The following ARHGEF10L variants were observed in gnomAD, a reference collection of about 807,000 sequenced individuals.
ARHGEF10L encodes Rho guanine nucleotide exchange factor 10 like, also known as rho guanine nucleotide exchange factor 10-like protein.
ARHGEF10L carries 69 observed loss-of-function variants against 141.2 expected under a neutral mutation model. The observed-to-expected ratio is 0.49, with a 90% CI of 0.40 to 0.60. The LOEUF (loss-of-function observed/expected upper bound fraction) is 0.60, where lower values mean the gene tolerates loss of function less well. Among genes scored for constraint, ARHGEF10L ranks in the 20% least tolerant of loss-of-function variants. The pLI is 0.00. For missense variants in ARHGEF10L, 1,482 were observed against 1,734.3 expected (o/e 0.85, Z 2.58); for synonymous variants, 711 against 718.5 (o/e 0.99, Z 0.17).
At position 17,697,054 on chromosome 1, in the gene ARHGEF10L, C is replaced by T. The variant is rs778595282; in HGVS notation, c.3514C>T (p.Leu1172Phe). 124 of 1,604,260 alleles carry T rather than the reference C, an allele frequency of 7.7e-5. No homozygotes were observed. In the Admixed American group the frequency reaches 2.1e-3, roughly 27 times the overall value. The change falls in exon 29 of 29, where the codon CTC becomes TTC. Residue 1172 changes from leucine to phenylalanine, a missense_variant. By Grantham distance (22) the Leu-to-Phe change is conservative. Coordinates refer to ENST00000361221, the MANE Select transcript of ARHGEF10L (RefSeq NM_018125.4). This position sits in a 1 kb window ranked among gnomAD's most constrained non-coding sequence, Gnocchi z 4.8. The part of the protein sequence containing the change: ...GRELTRKKGI[L>F]LQYRLRSTAH... ...AGAGCTGACCCGCAAGAAGGGCATCCTCTTGCAGTACCGCCTGCGCTCCAC... is the reference window on the plus strand; with the variant it reads ...AGAGCTGACCCGCAAGAAGGGCATCTTCTTGCAGTACCGCCTGCGCTCCAC...
chr1:17,687,520 A>T, intron 26 of ARHGEF10L, 53 bp from the exon 27 acceptor site: 2 of 1,600,244 alleles, frequency 1.2e-6, no homozygotes, highest in Non-Finnish European at 8.5e-7. Flanking sequence ...GCTTGTAGGG[A>T]GGCTCAGCTG....
At chr1:17,521,126 A>T in the ARHGEF10L span, among the ~76,000 whole-genome samples, 3 of 152,110 alleles carry the variant, frequency 2.0e-5, no homozygotes, top group East Asian at 3.9e-4. Flanking sequence ...CAGGCCATGA[A>T]CCTCTGACAG....
chr1:17,639,861 A>G lies in ARHGEF10L; in HGVS notation c.2172-341A>G, dbSNP rs1321485481. 7.2e-7 allele frequency: 1 copy of G among 1,380,026 alleles called. No homozygotes were observed. Among genetic ancestry groups the G allele is most frequent in the Non-Finnish European group, 9.5e-7 (1 of 1,047,702 alleles). The allele number at this position is 1,380,026 out of a possible 1,614,324, so 85.5% of individuals were successfully genotyped here. A position where few individuals can be genotyped will look rare whatever the true frequency, so the allele number is the denominator to read the frequency against. ...ACGTGGTCAGACATGTAAGGTGTCT[A>G]AGACCTGTGGACAGCTGACCGCTGA... On this transcript the variant is annotated intron_variant, in intron 20 of 28. Transcript: ENST00000361221. This position sits in a 1 kb window ranked among gnomAD's most constrained non-coding sequence, Gnocchi z 4.3.
intron 1 of ARHGEF10L, 62 bp from the exon 2 acceptor site, chr1:17,580,491 C>A: frequency 6.9e-7 from 1 of 1,459,112 alleles, no homozygotes; most frequent in Non-Finnish European, 9.5e-7. Context: ...AGTGACTTGT[C>A]TCAGTAGCTG....
At chr1:17,661,811 C>T (rs571107444) in intron 25 of ARHGEF10L, among the ~76,000 whole-genome samples, 2 of 152,394 alleles carry the variant, frequency 1.3e-5, no homozygotes, top group South Asian at 4.1e-4. Context: ...TGTGGACCAG[C>T]ATCCCTGGCG....
chr1:17,681,682 C>A (rs986428806), intron 26 of ARHGEF10L, among the ~76,000 whole-genome samples: 1 of 152,170 alleles, frequency 6.6e-6, no homozygotes, highest in African/African-American at 2.4e-5. Context: ...GGAAGAAGAG[C>A]AGCTGGCCCC....
At chr1:17,584,599 T>C (rs57183712) in intron 2 of ARHGEF10L, among the ~76,000 whole-genome samples, 1 of 152,250 alleles carries the variant, frequency 6.6e-6, no homozygotes, top group African/African-American at 2.4e-5. Context: ...ACCGGGAGTC[T>C]CAGCAGGTCT....
the ARHGEF10L span, among the ~76,000 whole-genome samples, chr1:17,518,231 G>C: frequency 6.6e-6 from 1 of 152,194 alleles, no homozygotes; most frequent in African/African-American, 2.4e-5. Flanking sequence ...GGGACCCTGA[G>C]GCCTCTATTG....
At chr1:17,645,146 T>G (rs2061524022) in intron 21 of ARHGEF10L, among the ~76,000 whole-genome samples, 1 of 152,122 alleles carries the variant, frequency 6.6e-6, no homozygotes, top group South Asian at 2.1e-4. Context: ...AAGCCCCCAC[T>G]TAGCGTCAAC....
rs2065611711 is a variant in ARHGEF10L, at chr1:17,697,782, A to G, written c.*402A>G. 1 of 404,424 alleles carries G rather than the reference A, an allele frequency of 2.5e-6. No homozygotes were observed. The highest frequency in any genetic ancestry group is 2.1e-5 in the African/African-American group (1 of 48,076). The allele number at this position is 404,424 out of a possible 1,614,324, so 25.1% of individuals were successfully genotyped here. A position where few individuals can be genotyped will look rare whatever the true frequency, so the allele number is the denominator to read the frequency against. On this transcript the variant is annotated 3_prime_UTR_variant, in exon 29 of 29. Transcript: ENST00000361221. The surrounding 1 kb of genome is among the most constrained non-coding windows in gnomAD (Gnocchi z 4.8). ...TGTGAATATCTATAAATAAGTATATATGGTGTATATTATATGTGTATAAAT... is the reference window on the plus strand; with the variant it reads ...TGTGAATATCTATAAATAAGTATATGTGGTGTATATTATATGTGTATAAAT...
chr1:17,566,683 A>G (rs892246791), intron 1 of ARHGEF10L, among the ~76,000 whole-genome samples: 8 of 152,238 alleles, frequency 5.3e-5, no homozygotes, highest in Non-Finnish European at 8.8e-5. Context: ...ATGCAGGGCC[A>G]GTATCAGACC....
chr1:17,599,553 G>A (rs1056413388), intron 4 of ARHGEF10L, among the ~76,000 whole-genome samples: 26 of 152,246 alleles, frequency 1.7e-4, no homozygotes, highest in African/African-American at 5.1e-4. Context: ...CTGATGTGGC[G>A]CCTTCAGGAT....
At chr1:17,589,849 C>T (rs1315048555) in intron 4 of ARHGEF10L, among the ~76,000 whole-genome samples, 1 of 152,052 alleles carries the variant, frequency 6.6e-6, no homozygotes, top group African/African-American at 2.4e-5. Flanking sequence ...GGGACAGAGA[C>T]GGACGCCCAG....
intron 18 of ARHGEF10L, among the ~76,000 whole-genome samples, chr1:17,636,248 C>T (rs1252398570): frequency 6.6e-6 from 1 of 152,182 alleles, no homozygotes; most frequent in African/African-American, 2.4e-5. Flanking sequence ...TTCCTCAAAC[C>T]AGAGTCACGT....
intron 8 of ARHGEF10L, chr1:17,614,972 A>G (rs900864613): frequency 6.6e-6 from 1 of 152,258 alleles, no homozygotes; most frequent in Non-Finnish European, 1.5e-5. Context: ...CCCGCAGATT[A>G]GTGCTCCCCA....
intron 6 of ARHGEF10L, among the ~76,000 whole-genome samples, chr1:17,605,421 G>A (rs188785260): frequency 3.3e-4 from 51 of 152,300 alleles, no homozygotes; most frequent in Admixed American, 1.6e-3. Context: ...GGTAATTGAT[G>A]AGGACACTGA....
chr1:17,691,818 T>C (rs559096098), intron 27 of ARHGEF10L, among the ~76,000 whole-genome samples: 1 of 152,300 alleles, frequency 6.6e-6, no homozygotes, highest in Non-Finnish European at 1.5e-5. Context: ...AGTTTTCTCC[T>C]TTCCTTCATC....
At chr1:17,555,836 G>T (rs1008659274) in intron 1 of ARHGEF10L, among the ~76,000 whole-genome samples, 5 of 152,072 alleles carry the variant, frequency 3.3e-5, no homozygotes, top group African/African-American at 1.2e-4. Context: ...TTGCTTTACA[G>T]CGGGAGCCTT....
chr1:17,638,135 G>C (rs941074357), intron 19 of ARHGEF10L, 132 bp downstream of exon 19: 1 of 812,458 alleles, frequency 1.2e-6, no homozygotes, highest in Non-Finnish European at 1.9e-6. Flanking sequence ...CTGAGCTCCT[G>C]TTGGCAACTG....
Sources: allele counts gnomAD v4.1 joint callset (sites outside exome capture counted in the v4.1 genomes callset), GRCh38; gene constraint gnomAD v4.1.1; non-coding constraint Gnocchi (gnomAD v3.1); transcripts MANE v1.5; gene names NCBI Gene and HGNC (gene_info 2026-07-23, HGNC 2026-07-21).